Variants in RABGAP1 observed in about 807,000 individuals in gnomAD.
RABGAP1 encodes the protein RAB GTPase activating protein 1.
RABGAP1 carries 23 observed loss-of-function variants against 137.6 expected under a neutral mutation model. That is an observed-to-expected ratio of 0.17 (90% confidence interval 0.12 to 0.24). The LOEUF is 0.24. Among genes scored for constraint, RABGAP1 ranks in the 10% least tolerant of loss-of-function variants. RABGAP1 has a pLI of 1.00. For missense variants in RABGAP1, 906 were observed against 1,275.8 expected (o/e 0.71, Z 4.42); for synonymous variants, 451 against 450.7 (o/e 1.00, Z -0.01).
chr9:123,024,121 T>G (rs755375359), intron 13 of RABGAP1, among the ~76,000 whole-genome samples: 3 of 152,216 alleles, frequency 2.0e-5, no homozygotes, highest in Non-Finnish European at 4.4e-5. Context: ...CTTTTAAAGG[T>G]GTTTCTTATT....
At chr9:122,969,360 G>A (rs1171341995) in intron 2 of RABGAP1, among the ~76,000 whole-genome samples, 2 of 152,194 alleles carry the variant, frequency 1.3e-5, no homozygotes, top group Non-Finnish European at 2.9e-5. Context: ...TATCCCTGTT[G>A]TTAAGTGATG....
chr9:123,019,894 G>C (rs1408378293), intron 12 of RABGAP1, among the ~76,000 whole-genome samples: 1 of 152,182 alleles, frequency 6.6e-6, no homozygotes, highest in East Asian at 1.9e-4. Flanking sequence ...ATGGCGCCCA[G>C]GCTGCTCTTG....
chr9:122,947,359 T>C (rs1368911609), intron 1 of RABGAP1, among the ~76,000 whole-genome samples: 2 of 152,176 alleles, frequency 1.3e-5, no homozygotes, highest in African/African-American at 4.8e-5. Flanking sequence ...TTAGTGTTAA[T>C]GGGCACAGAG....
At chr9:123,003,049 A>G (rs2029877991) in intron 10 of RABGAP1, among the ~76,000 whole-genome samples, 1 of 152,196 alleles carries the variant, frequency 6.6e-6, no homozygotes, top group South Asian at 2.1e-4. Context: ...GAGAGGTAGA[A>G]TGGGAAGAAT....
intron 13 of RABGAP1, among the ~76,000 whole-genome samples, chr9:123,056,530 T>G (rs2488466): frequency 0.75 from 107,678 of 142,774 alleles, 42,539 homozygotes; most frequent in Middle Eastern, 0.88. Context: ...TCTTGCAGAG[T>G]GGGATTTGGC....
intron 13 of RABGAP1, among the ~76,000 whole-genome samples, chr9:123,055,619 G>A (rs1014473755): frequency 7.2e-6 from 1 of 139,574 alleles, no homozygotes; most frequent in African/African-American, 2.7e-5. Context: ...GTGTGATCTT[G>A]GCTCACTGCA....
At chr9:123,090,209 C>A (rs2034993404) in intron 20 of RABGAP1, 66 bp from the exon 21 acceptor site, 1 of 1,246,278 alleles carries the variant, frequency 8.0e-7, no homozygotes, top group Non-Finnish European at 1.1e-6. Flanking sequence ...TGAGGTTTAG[C>A]CCTGAGAAAT....
chr9:123,072,011 G>C (rs1282444992), intron 15 of RABGAP1, among the ~76,000 whole-genome samples: 2 of 152,114 alleles, frequency 1.3e-5, no homozygotes, highest in African/African-American at 4.8e-5. Flanking sequence ...GTATTCAAGG[G>C]TATTAAGCCA....
chr9:122,996,619 T>C lies in RABGAP1; in HGVS notation c.1101+14T>C. 6.3e-7 allele frequency: 1 copy of C among 1,577,624 alleles called. No individual in the cohort carries two copies. Among genetic ancestry groups the C allele is most frequent in the South Asian group, 1.1e-5 (1 of 87,694 alleles). Reference sequence around the variant, plus strand: ...TTATTAGATTTGGTAAGAATTTATTTTTATTAGAAAGTTACATACTATTTC... The same window carrying C: ...TTATTAGATTTGGTAAGAATTTATTCTTATTAGAAAGTTACATACTATTTC... On this transcript the variant is annotated intron_variant, in intron 8 of 25. Transcript: ENST00000373647.
chr9:122,995,323 A>G (rs1435681369), intron 6 of RABGAP1, among the ~76,000 whole-genome samples: 1 of 152,164 alleles, frequency 6.6e-6, no homozygotes, highest in East Asian at 1.9e-4. Flanking sequence ...CAAAAGATCT[A>G]TGATTAAGTA....
chr9:123,036,287 A>C (rs369655669), intron 13 of RABGAP1, among the ~76,000 whole-genome samples: 1 of 152,210 alleles, frequency 6.6e-6, no homozygotes. Context: ...TTTATGAAAA[A>C]CTGAGCTACT....
At chr9:123,083,620 G>A (rs1172795970) in intron 19 of RABGAP1, among the ~76,000 whole-genome samples, 1 of 152,224 alleles carries the variant, frequency 6.6e-6, no homozygotes, top group African/African-American at 2.4e-5. Flanking sequence ...CTTTGAAGGA[G>A]TTTGAGTATT....
intron 9 of RABGAP1, among the ~76,000 whole-genome samples, chr9:122,997,625 T>C (rs141290220): frequency 1.5e-4 from 23 of 152,318 alleles, no homozygotes; most frequent in Non-Finnish European, 2.6e-4. Context: ...TACAGACTTA[T>C]AAGTTTTATT....
chr9:122,989,415 C>G lies in RABGAP1; in HGVS notation c.709C>G (p.His237Asp). ...TGACTGTTTTGCTTTCACTGAAAGT[C>G]ATTACAATGCAGAGCTCTTCAGAAT... ...ESDCFAFTES[H>D]YNAELFRIHV... is the part of the protein sequence containing the mutation. Residue 237 changes from histidine to aspartate, a missense_variant, in exon 5 of 26, where the codon CAT becomes GAT. By Grantham distance (81) the His-to-Asp change is moderately conservative (BLOSUM62 -1). Transcript: ENST00000373647. 6.2e-7 allele frequency: 1 copy of G among 1,614,044 alleles called. No individual in the cohort carries two copies. The highest frequency in any genetic ancestry group is 8.5e-7 in the Non-Finnish European group (1 of 1,180,000).
At chr9:123,086,394 A>C (rs994124818) in intron 19 of RABGAP1, among the ~76,000 whole-genome samples, 1 of 152,192 alleles carries the variant, frequency 6.6e-6, no homozygotes, top group Non-Finnish European at 1.5e-5. Context: ...AATGAGTGAG[A>C]GACAGTTCTG....
intron 2 of RABGAP1, among the ~76,000 whole-genome samples, chr9:122,977,669 G>A (rs1220330229): frequency 2.0e-5 from 3 of 152,096 alleles, no homozygotes; most frequent in African/African-American, 4.8e-5. Flanking sequence ...TTGCGCCACT[G>A]TACTGCTCAA....
chr9:122,940,038 C>CT (rs1384607191), upstream of RABGAP1: 1 of 152,134 alleles, frequency 6.6e-6, no homozygotes, highest in Non-Finnish European at 1.5e-5. Context: ...TGGTGCATGC[C>CT]TATGTACAGT....
intron 13 of RABGAP1, among the ~76,000 whole-genome samples, chr9:123,051,230 T>TG: frequency 2.2e-5 from 1 of 45,474 alleles, no homozygotes; most frequent in South Asian, 8.3e-4. Flanking sequence ...TTTTTTTTTT[T>TG]TTTTTTTTTT....
chr9:123,070,259 C>T lies in RABGAP1; in HGVS notation c.1909-91C>T, dbSNP rs887671980. 1 of 1,576,444 alleles carries T rather than the reference C, an allele frequency of 6.3e-7. No homozygotes were observed. The highest frequency in any genetic ancestry group is 1.4e-5 in the African/African-American group (1 of 73,894). On this transcript the variant is annotated intron_variant, in intron 14 of 25. Transcript: ENST00000373647. The surrounding 1 kb of genome is among the most constrained non-coding windows in gnomAD (Gnocchi z 4.4). ...GCTGTCCCAGTGTGGGTAGCATCCT[C>T]CAGGGTTCTGTATTCAAGGTCCTAT...
Sources: allele counts gnomAD v4.1 joint callset (sites outside exome capture counted in the v4.1 genomes callset), GRCh38; gene constraint gnomAD v4.1.1; non-coding constraint Gnocchi (gnomAD v3.1); transcripts MANE v1.5; gene names NCBI Gene and HGNC (gene_info 2026-07-23, HGNC 2026-07-21).